Variants in POLR1A observed in about 807,000 individuals in gnomAD.
POLR1A encodes RNA polymerase I subunit A, also known as DNA-directed RNA polymerase I subunit RPA1.
In POLR1A, 84 loss-of-function variants were observed where a neutral mutation model predicts 205.3. That is an observed-to-expected ratio of 0.41 (90% CI 0.34 to 0.49). POLR1A has a LOEUF of 0.49. Among genes scored for constraint, POLR1A ranks in the 20% least tolerant of loss-of-function variants. POLR1A has a pLI of 0.22. For synonymous variants in POLR1A, 799 were observed against 863.7 expected (o/e 0.93, Z 1.31); for missense variants, 1,645 against 2,204.5 (o/e 0.75, Z 5.08).
Position 86,027,028 on chromosome 2 carries a change from G to C in POLR1A, c.*395C>G. 5.0e-6 allele frequency: 1 copy of C among 201,310 alleles called. No individual in the cohort carries two copies. The highest frequency in any genetic ancestry group is 1.1e-4 in the East Asian group (1 of 9,168). 12.5% of individuals were successfully genotyped at this position (201,310 alleles called of 1,614,324 possible). ...AAAAGAACCCCGCTTCCCTACTCTG[G>C]AGGTGCCTGGGGTCCCCAGCAGCAA... On this transcript the variant is annotated 3_prime_UTR_variant, in exon 34 of 34. Coordinates refer to ENST00000263857, the MANE Select transcript of POLR1A (RefSeq NM_015425.6).
At chr2:86,047,568 G>A (rs897216486) in intron 18 of POLR1A, among the ~76,000 whole-genome samples, 1 of 152,198 alleles carries the variant, frequency 6.6e-6, no homozygotes, top group Non-Finnish European at 1.5e-5. Flanking sequence ...AGAGGGGCTG[G>A]CAGATCCAGT....
At chr2:86,048,332 A>G (rs1672742306) in intron 18 of POLR1A, among the ~76,000 whole-genome samples, 2 of 152,178 alleles carry the variant, frequency 1.3e-5, no homozygotes, top group African/African-American at 4.8e-5. Flanking sequence ...TCCTTTCTCA[A>G]CTGCCCAGGA....
intron 30 of POLR1A, among the ~76,000 whole-genome samples, chr2:86,031,119 C>G (rs904195494): frequency 1.3e-5 from 2 of 152,170 alleles, no homozygotes; most frequent in Non-Finnish European, 2.9e-5. Flanking sequence ...ATAGCCATCA[C>G]CAGATTCCTA....
chr2:86,055,825 A>T (rs370413082), intron 14 of POLR1A, among the ~76,000 whole-genome samples: 2 of 152,224 alleles, frequency 1.3e-5, no homozygotes, highest in Non-Finnish European at 2.9e-5. Flanking sequence ...TACTACTAAC[A>T]TGCTCAATGA....
chr2:86,052,712 T>C (rs1043476740), intron 16 of POLR1A, 105 bp downstream of exon 16: 3 of 937,390 alleles, frequency 3.2e-6, no homozygotes, highest in South Asian at 4.2e-5. Context: ...CACAGAAGCC[T>C]TGGAAATCTT....
At chr2:86,068,367 G>A (rs758894006) in intron 13 of POLR1A, among the ~76,000 whole-genome samples, 3 of 116,164 alleles carry the variant, frequency 2.6e-5, no homozygotes, top group Non-Finnish European at 4.9e-5. Context: ...CTAAGAACAC[G>A]CACAGCCAAG....
intron 11 of POLR1A, among the ~76,000 whole-genome samples, chr2:86,076,547 C>T (rs1334751529): frequency 6.6e-6 from 1 of 152,236 alleles, no homozygotes; most frequent in Non-Finnish European, 1.5e-5. Context: ...GGGCCAGAGG[C>T]AGTTCTATCC....
chr2:86,041,190 T>TGCGC (rs201038475), intron 24 of POLR1A, among the ~76,000 whole-genome samples: 1 of 41,926 alleles, frequency 2.4e-5, no homozygotes, highest in Non-Finnish European at 6.8e-5. Flanking sequence ...TGTGTGTGTG[T>TGCGC]GCGCGCTGAG....
intron 16 of POLR1A, among the ~76,000 whole-genome samples, chr2:86,051,365 C>CTT (rs199606800): frequency 0.013 from 1,912 of 145,802 alleles, 48 homozygotes; most frequent in African/African-American, 0.045. Context: ...TTCATGTATG[C>CTT]TTTTTTTTTT....
intron 16 of POLR1A, among the ~76,000 whole-genome samples, chr2:86,051,171 C>T (rs1356770787): frequency 8.6e-5 from 13 of 152,028 alleles, no homozygotes; most frequent in Admixed American, 8.5e-4. Context: ...TTAGCTGATC[C>T]CAAAGGACAT....
chr2:86,045,589 A>C, intron 20 of POLR1A, 28 bp downstream of exon 20: 1 of 1,613,122 alleles, frequency 6.2e-7, no homozygotes. Flanking sequence ...TGAGGGAAAA[A>C]GCTAAATGGA....
Position 86,077,809 on chromosome 2 carries a change from GCGCACACACACA to G in POLR1A, c.1380+38_1380+49del, listed in dbSNP as rs70953982. 0.32 allele frequency: 418,488 copies of G among 1,289,112 alleles called. 69,521 individuals carry two copies. Among genetic ancestry groups the G allele is most frequent in the Non-Finnish European group, 0.36 (329,989 of 909,380 alleles). 79.9% of individuals were successfully genotyped at this position (1,289,112 alleles called of 1,614,324 possible). A position where few individuals can be genotyped will look rare whatever the true frequency, so the allele number is the denominator to read the frequency against. ...GAGCAAATGAGCCCTGCACGCGCGC[GCGCACACACACA>G]CACACACACACACACACACACACAC... On this transcript the variant is annotated intron_variant, in intron 11 of 33. Transcript: ENST00000263857.
At position 86,034,804 on chromosome 2, in the gene POLR1A, C is replaced by T. The variant is rs115010916; in HGVS notation, c.4035-1017G>A. Reference sequence around the variant, plus strand: ...TCTTCATTTGAAAAAGTAGGCAGGTCAAATGTATACTATTTTGCTCATTAA... The same window carrying T: ...TCTTCATTTGAAAAAGTAGGCAGGTTAAATGTATACTATTTTGCTCATTAA... On this transcript the variant is annotated intron_variant, in intron 27 of 33. Transcript: ENST00000263857. 2.3e-3 allele frequency among the ~76,000 whole-genome samples: 356 copies of T among 152,292 alleles called. 2 individuals are homozygous for T. The highest frequency in any genetic ancestry group is 8.0e-3 in the African/African-American group (333 of 41,548).
chr2:86,050,269 G>A (rs1448774569), intron 16 of POLR1A, among the ~76,000 whole-genome samples: 3 of 152,180 alleles, frequency 2.0e-5, no homozygotes, highest in Non-Finnish European at 4.4e-5. Flanking sequence ...GAGTCCCTCA[G>A]CCAAGATCTG....
intron 2 of POLR1A, 97 bp from the exon 3 acceptor site, chr2:86,098,857 C>T: frequency 8.7e-7 from 1 of 1,142,990 alleles, no homozygotes; most frequent in South Asian, 1.4e-5. Flanking sequence ...TGTAGTCAGT[C>T]TATTCCTTTA....
chr2:86,055,333 A>G (rs954888492), intron 14 of POLR1A, among the ~76,000 whole-genome samples: 5 of 152,000 alleles, frequency 3.3e-5, no homozygotes, highest in Non-Finnish European at 2.9e-5. Flanking sequence ...CAGGGCAGTT[A>G]TAAGAGCAGC....
intron 6 of POLR1A, among the ~76,000 whole-genome samples, chr2:86,084,408 C>T (rs993248426): frequency 6.6e-6 from 1 of 151,174 alleles, no homozygotes; most frequent in East Asian, 1.9e-4. Context: ...CAAAGTGAGA[C>T]CCTGTCTCAA....
chr2:86,041,230 G>T (rs1026091220), intron 24 of POLR1A, among the ~76,000 whole-genome samples: 1 of 129,478 alleles, frequency 7.7e-6, no homozygotes. Context: ...GTGTGTGTGT[G>T]CTGAGCTACA....
intron 14 of POLR1A, among the ~76,000 whole-genome samples, chr2:86,058,448 G>A (rs1341149225): frequency 7.7e-6 from 1 of 129,168 alleles, no homozygotes; most frequent in African/African-American, 3.0e-5. Flanking sequence ...TCACTGTGTT[G>A]CCAGGCTGGT....
Sources: gnomAD v4.1 joint callset for allele counts (sites outside exome capture counted in the v4.1 genomes callset) on GRCh38, gnomAD v4.1.1 for gene constraint, MANE v1.5 for transcripts, NCBI Gene and HGNC (gene_info 2026-07-23, HGNC 2026-07-21) for gene names.